Variants in OTUD7A observed in about 807,000 individuals in gnomAD.
OTUD7A encodes OTU deubiquitinase 7A.
In OTUD7A, 12 loss-of-function variants were observed where a neutral mutation model predicts 65.7. The ratio of observed to expected loss-of-function variants is 0.18; its 90% CI spans 0.12 to 0.30. The LOEUF is 0.30. Ranked by LOEUF, OTUD7A falls within the 10% of genes least tolerant of loss-of-function variation. OTUD7A has a pLI of 1.00. For missense variants in OTUD7A, 1,148 were observed against 1,304.8 expected (o/e 0.88, Z 1.85); for synonymous variants, 641 against 586.3 (o/e 1.09, Z -1.35).
intron 1 of OTUD7A, among the ~76,000 whole-genome samples, chr15:31,671,653 A>G (rs1892487116): frequency 6.6e-6 from 1 of 152,206 alleles, no homozygotes; most frequent in Admixed American, 6.5e-5. Context: ...TGTTTCTGGA[A>G]TAAATCTCCT....
chr15:31,602,332 A>C (rs148879976), intron 3 of OTUD7A, among the ~76,000 whole-genome samples: 25,233 of 152,202 alleles, frequency 0.17, 2,403 homozygotes, highest in East Asian at 0.25. Flanking sequence ...TGCATCACAT[A>C]AACAGAACCA....
At chr15:31,523,336 G>T (rs1291483368) in intron 8 of OTUD7A, among the ~76,000 whole-genome samples, 2 of 152,226 alleles carry the variant, frequency 1.3e-5, no homozygotes, top group African/African-American at 4.8e-5. Flanking sequence ...CTTCCTTCAG[G>T]GCCCGCTGGG....
At chr15:31,802,190 T>TC (rs1896150871) in intron 1 of OTUD7A, among the ~76,000 whole-genome samples, 1 of 150,774 alleles carries the variant, frequency 6.6e-6, no homozygotes, top group Non-Finnish European at 1.5e-5. Context: ...GCTCACATGA[T>TC]CACAAGGTCC....
intron 3 of OTUD7A, among the ~76,000 whole-genome samples, chr15:31,577,328 C>T (rs1164341447): frequency 6.6e-6 from 1 of 152,104 alleles, no homozygotes; most frequent in African/African-American, 2.4e-5. Context: ...ACAAGAGCCT[C>T]GGCTTCCACA....
Position 31,870,490 on chromosome 15 carries a change from G to C in OTUD7A, c.-100+17C>G, listed in dbSNP as rs1438441112. ...CCCCGCCGCCCGCCGGCAGCACCGC[G>C]GCCAGCGCCGTCTTACCTGCCGCGC... is the stretch of plus-strand genomic sequence containing the variant. On this transcript the variant is annotated intron_variant, in intron 1 of 12. Coordinates refer to ENST00000307050, the MANE Select transcript of OTUD7A (RefSeq NM_001382637.1). 6.8e-6 allele frequency: 1 copy of C among 148,028 alleles called. No homozygotes were observed. The highest frequency in any genetic ancestry group is 1.5e-5 in the Non-Finnish European group (1 of 66,402). 9.2% of individuals were successfully genotyped at this position (148,028 alleles called of 1,614,324 possible).
rs1013837022 is a variant in OTUD7A, at chr15:31,487,970, G to A, written c.1172-404C>T. On this transcript the variant is annotated intron_variant, in intron 10 of 12. Coordinates refer to ENST00000307050, the MANE Select transcript of OTUD7A (RefSeq NM_001382637.1). This position sits in a 1 kb window ranked among gnomAD's most constrained non-coding sequence, Gnocchi z 6.0. ...GTCTCGTCCCAGAGAAGGGCCGAAT[G>A]TGCAAGTCAGGTGAGCAAGGGTGTT... 6.6e-6 allele frequency among the ~76,000 whole-genome samples: 1 copy of A among 152,194 alleles called. No homozygotes were observed.
chr15:31,610,615 A>ATTTTTTTT (rs1336235314), intron 3 of OTUD7A, among the ~76,000 whole-genome samples: 44 of 32,808 alleles, frequency 1.3e-3, no homozygotes, highest in East Asian at 6.1e-3. Context: ...ATATATATAT[A>ATTTTTTTT]TATTTTTTTT....
rs533539152 is a variant in OTUD7A at position 31,518,422 on chromosome 15, G to A, written c.893+7927C>T. The stretch of plus-strand genomic sequence containing the variant: ...CAGGAGGTGGAGGTTGCAGTGAGCC[G>A]AGATCGCACCACTGCATTCTAGCCT... On this transcript the variant is annotated intron_variant, in intron 8 of 12. Coordinates refer to ENST00000307050, the MANE Select transcript of OTUD7A (RefSeq NM_001382637.1). Among the ~76,000 whole-genome samples, 452 of 152,002 alleles carry A rather than the reference G, an allele frequency of 3.0e-3. 2 individuals carry two copies. The highest frequency in any genetic ancestry group is 0.01 in the African/African-American group (419 of 41,436).
chr15:31,582,009 C>G (rs113075469), intron 3 of OTUD7A, among the ~76,000 whole-genome samples: 2 of 152,178 alleles, frequency 1.3e-5, no homozygotes, highest in African/African-American at 4.8e-5. Context: ...ATACACAAAA[C>G]AACATGCTTT....
chr15:31,620,390 C>T (rs551098901), intron 3 of OTUD7A, among the ~76,000 whole-genome samples: 4 of 152,220 alleles, frequency 2.6e-5, no homozygotes, highest in South Asian at 4.2e-4. Context: ...GTGAATCTGT[C>T]TGGTCCTGGA....
chr15:31,867,087 C>T (rs1257343045), intron 1 of OTUD7A, among the ~76,000 whole-genome samples: 1 of 152,170 alleles, frequency 6.6e-6, no homozygotes, highest in Non-Finnish European at 1.5e-5. Flanking sequence ...GCATGGGAAA[C>T]ACCCATCCCA....
rs186004614 is a variant in OTUD7A, at chr15:31,750,206, G to A, written c.-99-93129C>T. Reference sequence around the variant, plus strand: ...GTGGATCACTTGAGGTCAGGAGTTCGAGACCAGCCTGGCCAACATGGTGAA... The same window carrying A: ...GTGGATCACTTGAGGTCAGGAGTTCAAGACCAGCCTGGCCAACATGGTGAA... On this transcript the variant is annotated intron_variant, in intron 1 of 12. Coordinates refer to ENST00000307050, the MANE Select transcript of OTUD7A (RefSeq NM_001382637.1). Among the ~76,000 whole-genome samples the A allele has an allele frequency of 9.9e-3, 1,503 of 152,058 alleles. 18 individuals carry two copies. Among genetic ancestry groups the A allele is most frequent in the Middle Eastern group, 0.02 (6 of 294 alleles).
intron 1 of OTUD7A, chr15:31,765,759 C>T (rs375230558): frequency 1.9e-5 from 25 of 1,316,040 alleles, no homozygotes; most frequent in Admixed American, 3.6e-5. Context: ...TCTTAGACTA[C>T]AGAACTTTGG....
chr15:31,721,970 C>T (rs1312217123), intron 1 of OTUD7A, among the ~76,000 whole-genome samples: 1 of 152,238 alleles, frequency 6.6e-6, no homozygotes, highest in Non-Finnish European at 1.5e-5. Context: ...TGCTGCCTGC[C>T]TGCCTGAGGG....
Position 31,530,703 on chromosome 15 carries a change from T to C in OTUD7A, c.652+4A>G, listed in dbSNP as rs767412731. The C allele has an allele frequency of 6.2e-7, 1 of 1,613,818 alleles. No individual in the cohort carries two copies. ...CCACCCTCTGTCTGTGCTGTGGAGCTTACCCAGTGAAGCAGCATGTAAAAG... is the reference window on the plus strand; with the variant it reads ...CCACCCTCTGTCTGTGCTGTGGAGCCTACCCAGTGAAGCAGCATGTAAAAG... On this transcript the variant is annotated splice_donor_region_variant and intron_variant, in intron 6 of 12. Transcript: ENST00000307050.
chr15:31,515,581 T>A (rs528379673), intron 8 of OTUD7A, among the ~76,000 whole-genome samples: 2 of 151,974 alleles, frequency 1.3e-5, no homozygotes, highest in Non-Finnish European at 2.9e-5. Flanking sequence ...TATCTATCTA[T>A]CCATCCATTC....
chr15:31,647,060 T>C (rs1333359874), intron 3 of OTUD7A, among the ~76,000 whole-genome samples: 2 of 152,238 alleles, frequency 1.3e-5, no homozygotes, highest in African/African-American at 4.8e-5. Flanking sequence ...TTGACATTTT[T>C]TCCCCAAATA....
chr15:31,484,798 C>G lies in OTUD7A; in HGVS notation c.1372-74G>C. On this transcript the variant is annotated intron_variant, in intron 12 of 12. Transcript: ENST00000307050. The surrounding 1 kb of genome is among the most constrained non-coding windows in gnomAD (Gnocchi z 4.5). Reference sequence around the variant, plus strand: ...CCACGCGCCAGCGAGGAAGACACACCTTGCCCCTGTGTTGCCGAGGCTAGG... The same window carrying G: ...CCACGCGCCAGCGAGGAAGACACACGTTGCCCCTGTGTTGCCGAGGCTAGG... 6.6e-7 allele frequency: 1 copy of G among 1,524,548 alleles called. No homozygotes were observed. The highest frequency in any genetic ancestry group is 8.8e-7 in the Non-Finnish European group (1 of 1,139,238). The allele number at this position is 1,524,548 out of a possible 1,614,324, so 94.4% of individuals were successfully genotyped here.
At position 31,507,231 on chromosome 15, in the gene OTUD7A, T is replaced by C. The variant is rs538484999; in HGVS notation, c.894-3413A>G. On this transcript the variant is annotated intron_variant, in intron 8 of 12. Coordinates refer to ENST00000307050, the MANE Select transcript of OTUD7A (RefSeq NM_001382637.1). ...AAATTTATGTCAAATTTCTATATTA[T>C]AGAAGTGATTAAGGGTAGGTTTAGA... Among the ~76,000 whole-genome samples the C allele has an allele frequency of 1.8e-3, 273 of 152,264 alleles. 2 individuals carry two copies. The highest frequency in any genetic ancestry group is 6.2e-3 in the African/African-American group (256 of 41,546).
Sources: allele counts gnomAD v4.1 joint callset (sites outside exome capture counted in the v4.1 genomes callset), GRCh38; gene constraint gnomAD v4.1.1; non-coding constraint Gnocchi (gnomAD v3.1); transcripts MANE v1.5; gene names NCBI Gene and HGNC (gene_info 2026-07-23, HGNC 2026-07-21).